Variants in PTPRD observed in about 807,000 individuals in gnomAD.
PTPRD encodes the protein receptor-type tyrosine-protein phosphatase delta.
Under a neutral mutation model 214.5 loss-of-function variants are expected in PTPRD, and 34 were observed. That is an observed-to-expected ratio of 0.16 (90% CI 0.12 to 0.21). The LOEUF is 0.21. Among genes scored for constraint, PTPRD ranks in the 10% least tolerant of loss-of-function variants. The pLI is 1.00. For missense variants in PTPRD, 2,545 were observed against 2,398.7 expected (o/e 1.06, Z -1.27); for synonymous variants, 1,128 against 845.7 (o/e 1.33, Z -5.79).
intron 8 of PTPRD, among the ~76,000 whole-genome samples, chr9:9,558,216 T>A (rs1169707306): frequency 2.0e-5 from 3 of 152,184 alleles, no homozygotes; most frequent in Non-Finnish European, 4.4e-5. Flanking sequence ...TGTACAGTGT[T>A]AGCAGGGCAG....
intron 9 of PTPRD, among the ~76,000 whole-genome samples, chr9:9,391,030 C>A (rs10816115): frequency 6.6e-6 from 1 of 151,854 alleles, no homozygotes; most frequent in South Asian, 2.1e-4. Context: ...TTAAGTTGAG[C>A]TTTGCTTTAA....
intron 3 of PTPRD, among the ~76,000 whole-genome samples, chr9:10,306,844 T>G (rs2096087057): frequency 6.6e-6 from 1 of 152,142 alleles, no homozygotes; most frequent in South Asian, 2.1e-4. Context: ...GGCATCCTAA[T>G]TATAAATCTG....
chr9:8,392,701 T>G (rs532127233), intron 36 of PTPRD, among the ~76,000 whole-genome samples: 1 of 152,166 alleles, frequency 6.6e-6, no homozygotes, highest in African/African-American at 2.4e-5. Context: ...AGCCTCCTTC[T>G]GGCAAATCTC....
chr9:9,444,825 A>G (rs929179766), intron 8 of PTPRD, among the ~76,000 whole-genome samples: 6 of 152,174 alleles, frequency 3.9e-5, no homozygotes, highest in Non-Finnish European at 8.8e-5. Context: ...GTAAGCAAAT[A>G]CTTGATCTCT....
intron 6 of PTPRD, among the ~76,000 whole-genome samples, chr9:9,736,031 T>A (rs760562256): frequency 6.6e-6 from 1 of 152,140 alleles, no homozygotes; most frequent in African/African-American, 2.4e-5. Context: ...TATATGTATA[T>A]ACAAAGATAC....
intron 10 of PTPRD, among the ~76,000 whole-genome samples, chr9:9,145,624 G>T (rs1288638696): frequency 1.3e-5 from 2 of 152,042 alleles, no homozygotes; most frequent in Non-Finnish European, 2.9e-5. Context: ...TGTTTTCTTG[G>T]AGTGGATCTA....
At chr9:8,874,868 G>C (rs971057681) in intron 11 of PTPRD, among the ~76,000 whole-genome samples, 1 of 152,208 alleles carries the variant, frequency 6.6e-6, no homozygotes, top group Admixed American at 6.5e-5. Flanking sequence ...ACAATGTCTA[G>C]ATATTTATTC....
At chr9:9,987,964 C>A (rs1406789651) in intron 4 of PTPRD, among the ~76,000 whole-genome samples, 2 of 152,164 alleles carry the variant, frequency 1.3e-5, no homozygotes, top group East Asian at 3.9e-4. Context: ...GACATATTTG[C>A]CGTAACAGCA....
chr9:8,474,358 G>C (rs192234780), intron 30 of PTPRD, among the ~76,000 whole-genome samples: 64 of 151,956 alleles, frequency 4.2e-4, no homozygotes, highest in African/African-American at 1.4e-3. Flanking sequence ...CATCATCCTG[G>C]GTGATTTCAA....
At chr9:10,343,990 T>G (rs1238190908) in intron 2 of PTPRD, among the ~76,000 whole-genome samples, 3 of 139,258 alleles carry the variant, frequency 2.2e-5, no homozygotes, top group African/African-American at 8.1e-5. Context: ...TTTTTTTTTT[T>G]TTTTTTTTTT....
intron 3 of PTPRD, among the ~76,000 whole-genome samples, chr9:10,045,537 C>T (rs1567288205): frequency 6.6e-6 from 1 of 151,658 alleles, no homozygotes; most frequent in Non-Finnish European, 1.5e-5. Context: ...TTTATATTCA[C>T]TATCTGCCTT....
At chr9:9,352,519 G>C (rs1414904152) in intron 9 of PTPRD, among the ~76,000 whole-genome samples, 1 of 151,480 alleles carries the variant, frequency 6.6e-6, no homozygotes, top group Non-Finnish European at 1.5e-5. Flanking sequence ...TGCATTCTTT[G>C]GCTTCTGGAG....
chr9:8,820,860 T>G (rs941720145), intron 11 of PTPRD, among the ~76,000 whole-genome samples: 7 of 149,234 alleles, frequency 4.7e-5, no homozygotes, highest in Non-Finnish European at 1.0e-4. Flanking sequence ...GTGAAAGTTC[T>G]TTTCTACTCC....
chr9:10,244,988 T>A (rs1432444042), intron 3 of PTPRD, among the ~76,000 whole-genome samples: 3 of 152,294 alleles, frequency 2.0e-5, no homozygotes, highest in Non-Finnish European at 4.4e-5. Context: ...TAATCATTAA[T>A]AATAAAAATG....
chr9:9,497,654 A>G (rs1257420036), intron 8 of PTPRD, among the ~76,000 whole-genome samples: 2 of 152,160 alleles, frequency 1.3e-5, no homozygotes, highest in African/African-American at 4.8e-5. Flanking sequence ...AGTTATCTCA[A>G]AAAGAGGAGA....
At chr9:8,383,044 A>G (rs1002032801) in intron 37 of PTPRD, among the ~76,000 whole-genome samples, 1 of 152,230 alleles carries the variant, frequency 6.6e-6, no homozygotes, top group Non-Finnish European at 1.5e-5. Context: ...GATAACAGCA[A>G]TGAAAACAAT....
At chr9:9,827,530 G>A (rs1487925679) in intron 5 of PTPRD, among the ~76,000 whole-genome samples, 5 of 152,098 alleles carry the variant, frequency 3.3e-5, no homozygotes, top group Non-Finnish European at 5.9e-5. Flanking sequence ...AGACTTAAAT[G>A]TTAGACCTAA....
At position 10,451,083 on chromosome 9, in the gene PTPRD, C is replaced by A. The variant is rs909414533; in HGVS notation, c.-599-110066G>T. Among the ~76,000 whole-genome samples, 4 of 151,746 alleles carry A rather than the reference C, an allele frequency of 2.6e-5. 1 individual carries two copies. The highest frequency in any genetic ancestry group is 1.9e-4 in the East Asian group (1 of 5,180). On this transcript the variant is annotated intron_variant, in intron 2 of 45. Coordinates refer to ENST00000381196, the MANE Select transcript of PTPRD (RefSeq NM_002839.4). ...TCTGCATTTTTATGTTTTTAGTCCA[C>A]CATATTAAGAGGTTTTAAAAGTATT...
At chr9:10,316,767 T>A (rs1214834447) in intron 3 of PTPRD, among the ~76,000 whole-genome samples, 4 of 151,896 alleles carry the variant, frequency 2.6e-5, no homozygotes. Context: ...TAAAAAAGAT[T>A]TTTTAGATTA....
Sources: allele counts gnomAD v4.1 joint callset (sites outside exome capture counted in the v4.1 genomes callset), GRCh38; gene constraint gnomAD v4.1.1; transcripts MANE v1.5; gene names NCBI Gene and HGNC (gene_info 2026-07-23, HGNC 2026-07-21).